STK36: variants seen among roughly 807,000 people sequenced by gnomAD.
STK36 encodes serine/threonine-protein kinase 36.
In STK36, 116 loss-of-function variants were observed where a neutral mutation model predicts 142.2. The ratio of observed to expected loss-of-function variants is 0.82; its 90% confidence interval spans 0.70 to 0.95. The LOEUF is 0.95. STK36 is among the 40% of genes least tolerant of loss of function. The pLI, the probability that STK36 is intolerant of heterozygous loss-of-function variation, is 0.00. For missense variants in STK36, 1,422 were observed against 1,617.2 expected, an observed-to-expected ratio of 0.88 and a Z score of 2.07; for synonymous variants, 619 against 641.7, an observed-to-expected ratio of 0.96 and a Z score of 0.53.
At position 218,697,609 on chromosome 2, in the gene STK36, G is replaced by C. The variant is rs1270409962; in HGVS notation, c.2908G>C (p.Ala970Pro). ...CAGCTTCCTGAATCAACTGCGCCAG[G>C]CGTGAGTTTGAGCTAGAAGAGAGCC... ...CPSFLNQLRQ[A>P]PHGSEFLPVV... is the part of the protein sequence containing the mutation. The change falls in exon 24 of 27, where the codon GCG becomes CCG. Residue 970 changes from alanine to proline, a missense_variant and splice_region_variant. Ala to Pro is a conservative substitution (Grantham distance 27, BLOSUM62 -1). Transcript: ENST00000295709. The C allele has an allele frequency of 3.1e-6, 5 of 1,614,136 alleles. No individual in the cohort carries two copies. The East Asian group carries it at 8.9e-5, about 29-fold the overall frequency.
intron 10 of STK36, among the ~76,000 whole-genome samples, chr2:218,682,066 T>TA (rs1940545946): frequency 1.3e-5 from 2 of 152,192 alleles, no homozygotes; most frequent in South Asian, 4.1e-4. Flanking sequence ...TAGCTGGAAT[T>TA]ACAGGCATGT....
intron 22 of STK36, 118 bp downstream of exon 22, chr2:218,696,719 G>A (rs537646543): frequency 1.4e-5 from 16 of 1,122,828 alleles, no homozygotes; most frequent in Admixed American, 1.0e-4. Context: ...AAGCTACTGT[G>A]CCTGTGATAG....
intron 6 of STK36, 144 bp downstream of exon 6, chr2:218,676,422 T>G: frequency 8.8e-7 from 1 of 1,134,536 alleles, no homozygotes; most frequent in Non-Finnish European, 1.2e-6. Context: ...GTTCTCGCAT[T>G]GCTATACAGA....
In STK36 at chr2:218,688,685, C is replaced by A; in HGVS notation, c.1381-12C>A. 1 of 1,608,886 alleles carries A rather than the reference C, an allele frequency of 6.2e-7. No homozygotes were observed. The highest frequency in any genetic ancestry group is 1.1e-5 in the South Asian group (1 of 90,336). Reference sequence around the variant, plus strand: ...AATATCAATCGTTGCCTCTTTCCCTCATGTCACCCAGATCCTGAAAGGCAT... The same window carrying A: ...AATATCAATCGTTGCCTCTTTCCCTAATGTCACCCAGATCCTGAAAGGCAT... On this transcript the variant is annotated splice_polypyrimidine_tract_variant and intron_variant, in intron 11 of 26. Coordinates refer to ENST00000295709, the MANE Select transcript of STK36 (RefSeq NM_015690.5).
intron 16 of STK36, 131 bp from the exon 17 acceptor site, chr2:218,693,109 G>A: frequency 2.6e-6 from 2 of 780,090 alleles, no homozygotes; most frequent in South Asian, 1.8e-5. Flanking sequence ...ATAGAATGGG[G>A]TCTGAGGTTT....
intron 26 of STK36, 111 bp downstream of exon 26, chr2:218,699,459 C>G (rs1171127711): frequency 6.9e-7 from 1 of 1,445,324 alleles, no homozygotes; most frequent in East Asian, 2.3e-5. Context: ...AAACTTATGC[C>G]GTGTTTCTCC....
At chr2:218,677,294 C>G (rs1249032752) in intron 6 of STK36, among the ~76,000 whole-genome samples, 1 of 152,188 alleles carries the variant, frequency 6.6e-6, no homozygotes, top group Non-Finnish European at 1.5e-5. Context: ...ATGAGAACAG[C>G]AAGGGGGAAG....
At position 218,702,441 on chromosome 2, in the gene STK36, T is replaced by C. The variant is rs1941474994; in HGVS notation, c.*432T>C. The C allele has an allele frequency of 6.3e-6, 1 of 158,348 alleles. No individual in the cohort carries two copies. The highest frequency in any genetic ancestry group is 1.4e-5 in the Non-Finnish European group (1 of 72,250). 9.8% of individuals were successfully genotyped at this position (158,348 alleles called of 1,614,324 possible). ...GACAGAGCCTGTCTCAGCTCTAGGC[T>C]GTGGGGATCAATGCCATCAGTCCCT... On this transcript the variant is annotated 3_prime_UTR_variant, in exon 27 of 27. Transcript: ENST00000295709.
intron 8 of STK36, 38 bp from the exon 9 acceptor site, chr2:218,679,855 A>G (rs368346855): frequency 3.7e-6 from 6 of 1,605,732 alleles, no homozygotes; most frequent in South Asian, 2.2e-5. Flanking sequence ...ATAGCAATCA[A>G]ATAGCTCTGA....
At position 218,676,333 on chromosome 2, in the gene STK36, T is replaced by C. The variant is rs2556388; in HGVS notation, c.684+55T>C. 0.45 allele frequency: 717,004 copies of C among 1,593,366 alleles called. 170,944 individuals are homozygous for C. The highest frequency in any genetic ancestry group is 0.86 in the African/African-American group (64,439 of 74,612). On this transcript the variant is annotated intron_variant, in intron 6 of 26. Coordinates refer to ENST00000295709, the MANE Select transcript of STK36 (RefSeq NM_015690.5). ...TACATTAGAAATCTGTCTCCCTCTA[T>C]CTCTGTTCCTTTTTCCAAATCCTTT... is the stretch of plus-strand genomic sequence containing the variant.
intron 10 of STK36, 114 bp from the exon 11 acceptor site, chr2:218,684,971 G>C (rs554829981): frequency 1.7e-4 from 231 of 1,339,936 alleles, no homozygotes; most frequent in Non-Finnish European, 2.2e-4. Context: ...TGTGCTAAAG[G>C]GGTCACTGGC....
At chr2:218,695,194 A>G (rs905272767) in intron 21 of STK36, among the ~76,000 whole-genome samples, 1 of 147,934 alleles carries the variant, frequency 6.8e-6, no homozygotes, top group Non-Finnish European at 1.5e-5. Context: ...AAAGAAGGAT[A>G]GACTTTATAA....
At position 218,672,859 on chromosome 2, in the gene STK36, T is replaced by G; in HGVS notation, c.30T>G (p.Ile10Met). Residue 10 changes from isoleucine (I) to methionine (M), a missense_variant, in exon 2 of 27, where the codon ATT becomes ATG. This residue lies in a region of STK36 where 460 missense variants were observed against 449.6 expected (regional missense o/e 1.02). Coordinates refer to ENST00000295709, the MANE Select transcript of STK36 (RefSeq NM_015690.5). MEKYHVLEM[I>M]GEGSFGRVYK... ...AAAAGTACCACGTGTTGGAGATGATTGGAGAAGGCTCTTTTGGGAGGGTGT... is the reference window on the plus strand; with the variant it reads ...AAAAGTACCACGTGTTGGAGATGATGGGAGAAGGCTCTTTTGGGAGGGTGT... 6.2e-7 allele frequency: 1 copy of G among 1,614,140 alleles called. No individual in the cohort carries two copies.
rs369010454 is a variant in STK36 at position 218,693,928 on chromosome 2, G to C, written c.2281G>C (p.Val761Leu). ...AGTAGATTGGGAAGAGTCTACTGAA[G>C]TGACACTCTACTTCCTCTCCCTTCT... ...KVVDWEESTE[V>L]TLYFLSLLVF... Residue 761 changes from valine (V) to leucine (L), a missense_variant, in exon 19 of 27, where the codon GTG (valine) becomes CTG (leucine). Transcript: ENST00000295709. 6.2e-7 allele frequency: 1 copy of C among 1,614,144 alleles called. No homozygotes were observed. Among genetic ancestry groups the C allele is most frequent in the Non-Finnish European group, 8.5e-7 (1 of 1,180,048 alleles).
At chr2:218,677,236 GC>G (rs1940296561) in intron 6 of STK36, among the ~76,000 whole-genome samples, 1 of 152,154 alleles carries the variant, frequency 6.6e-6, no homozygotes, top group South Asian at 2.1e-4. Context: ...CCCGGCCAGG[GC>G]TACACACTTT....
chr2:218,688,451 G>A (rs545084064), intron 11 of STK36: 3 of 596,242 alleles, frequency 5.0e-6, no homozygotes, highest in African/African-American at 3.7e-5. Flanking sequence ...CAGAGATCCT[G>A]AGGAGAGGCC....
In STK36 at chr2:218,676,206, C is replaced by T. The variant is rs1227530993; in HGVS notation, c.612C>T (p.Ser204=). The T allele has an allele frequency of 6.2e-7, 1 of 1,614,100 alleles. No homozygotes were observed. Among genetic ancestry groups the T allele is most frequent in the Non-Finnish European group, 8.5e-7 (1 of 1,180,056 alleles). ...GCACCCCTCCCTTCTATGCTACAAG[C>T]ATCTTTCAGCTGGTCAGCCTCATTC... ...AVGTPPFYAT[S]IFQLVSLILK... Residue 204 remains serine (S), a synonymous_variant, in exon 6 of 27, where the codon AGC becomes AGT. Coordinates refer to ENST00000295709, the MANE Select transcript of STK36 (RefSeq NM_015690.5).
chr2:218,693,670 T>C, intron 17 of STK36, 53 bp from the exon 18 acceptor site: 1 of 1,541,582 alleles, frequency 6.5e-7, no homozygotes, highest in South Asian at 1.2e-5. Flanking sequence ...CCTTCAATCT[T>C]GGAGCCCGGG....
intron 6 of STK36, among the ~76,000 whole-genome samples, chr2:218,678,833 T>C (rs530777512): frequency 2.0e-5 from 3 of 152,384 alleles, no homozygotes; most frequent in African/African-American, 7.2e-5. Context: ...GAATGTTTGC[T>C]GTCTGAAGAT....
Sources: allele counts gnomAD v4.1 joint callset (sites outside exome capture counted in the v4.1 genomes callset), GRCh38; gene constraint gnomAD v4.1.1; regional missense constraint gnomAD v4.1.1; transcripts MANE v1.5; gene names NCBI Gene and HGNC (gene_info 2026-07-23, HGNC 2026-07-21).